Variants in KIR3DL1 observed in about 807,000 individuals in gnomAD.
KIR3DL1 encodes killer cell immunoglobulin like receptor, three Ig domains and long cytoplasmic tail 1.
Under a neutral mutation model 40.3 loss-of-function variants are expected in KIR3DL1, and 50 were observed. The observed-to-expected ratio is 1.24, with a 90% CI of 0.99 to 1.57. KIR3DL1 has a LOEUF of 1.57. Ranked by LOEUF, KIR3DL1 falls within the 40% of genes most tolerant of loss-of-function variation. The pLI, the probability that KIR3DL1 is intolerant of heterozygous loss-of-function variation, is 0.00. For synonymous variants in KIR3DL1, 257 were observed against 207.2 expected, an observed-to-expected ratio of 1.24 and a Z score of -2.07; for missense variants, 661 against 559.9, an observed-to-expected ratio of 1.18 and a Z score of -1.82.
chr19:54,818,786 A>G (rs1326644177), intron 3 of KIR3DL1, among the ~76,000 whole-genome samples, 187 bp downstream of exon 3: 1 of 151,010 alleles, frequency 6.6e-6, no homozygotes, highest in African/African-American at 2.4e-5. Context: ...CTACATTGTA[A>G]TCCCTGGAGC....
chr19:54,825,146 G>GCC, intron 6 of KIR3DL1, 68 bp downstream of exon 6: 2 of 1,035,042 alleles, frequency 1.9e-6, no homozygotes, highest in South Asian at 2.5e-5. Context: ...GGATGCAAGT[G>GCC]TTGGCTCAAA....
At position 54,829,952 on chromosome 19, in the gene KIR3DL1, C is replaced by A. The variant is rs185031705; in HGVS notation, c.1130C>A (p.Pro377His). Residue 377 changes from proline to histidine, a missense_variant, in exon 8 of 9, where the codon CCT becomes CAT. Around this residue, in one of 3 missense-constraint regions of KIR3DL1, gnomAD observed 107 missense variants for 129.4 expected, o/e 0.83. Transcript: ENST00000391728. ...GATGCTGCTGTAATGGACCAAGAGCCTGCAGGGAACAGAACAGCCAACAGC... is the reference window on the plus strand; with the variant it reads ...GATGCTGCTGTAATGGACCAAGAGCATGCAGGGAACAGAACAGCCAACAGC... 6.9e-4 allele frequency: 1,050 copies of A among 1,528,896 alleles called. 199 individuals are homozygous for A. The highest frequency in any genetic ancestry group is 1.4e-3 in the Admixed American group (76 of 55,884). The allele number at this position is 1,528,896 out of a possible 1,614,324, so 94.7% of individuals were successfully genotyped here. A position where few individuals can be genotyped will look rare whatever the true frequency, so the allele number is the denominator to read the frequency against.
chr19:54,827,926 G>T lies in KIR3DL1; in HGVS notation c.1001-1435G>T, dbSNP rs151262295. Among the ~76,000 whole-genome samples, 103 of 149,576 alleles carry T rather than the reference G, an allele frequency of 6.9e-4. 8 individuals carry two copies. Among genetic ancestry groups the T allele is most frequent in the African/African-American group, 2.3e-3 (93 of 39,988 alleles). ...TCACCCCTACTTCCAATCACCTGTG[G>T]AAATACAGATAGATCATGGGGAGGT... On this transcript the variant is annotated intron_variant, in intron 6 of 8. Transcript: ENST00000391728.
intron 6 of KIR3DL1, among the ~76,000 whole-genome samples, chr19:54,828,092 C>T (rs1347248716): frequency 1.3e-5 from 2 of 150,670 alleles, no homozygotes; most frequent in African/African-American, 2.5e-5. Context: ...GTGGTCCTTC[C>T]CCCAGCCTCT....
At chr19:54,817,186 G>C (rs1276257424) in intron 1 of KIR3DL1, among the ~76,000 whole-genome samples, 1 of 146,562 alleles carries the variant, frequency 6.8e-6, no homozygotes, top group Non-Finnish European at 1.5e-5. Context: ...ATATGAGCCT[G>C]GAGTGGATAT....
At chr19:54,828,004 C>A (rs62124149) in intron 6 of KIR3DL1, among the ~76,000 whole-genome samples, 18,154 of 146,888 alleles carry the variant, frequency 0.12, 1,567 homozygotes, top group Non-Finnish European at 0.16. Flanking sequence ...GAGATCAGTG[C>A]CAGCACTAGC....
chr19:54,816,754 T>G, intron 1 of KIR3DL1, among the ~76,000 whole-genome samples: 1 of 128,018 alleles, frequency 7.8e-6, no homozygotes, highest in Non-Finnish European at 1.6e-5. Context: ...GGAGTGGAGA[T>G]ATGGGCCTGG....
intron 4 of KIR3DL1, among the ~76,000 whole-genome samples, chr19:54,821,165 T>C (rs1422654298): frequency 1.3e-5 from 2 of 149,580 alleles, no homozygotes; most frequent in Non-Finnish European, 3.0e-5. Flanking sequence ...GATAGAGAGA[T>C]AGATAAGTGA....
intron 1 of KIR3DL1, among the ~76,000 whole-genome samples, chr19:54,817,314 G>A (rs1245635904): frequency 2.0e-5 from 3 of 147,154 alleles, no homozygotes; most frequent in Non-Finnish European, 4.5e-5. Context: ...TGGAGATCTG[G>A]GCCTGTTGTG....
At chr19:54,817,134 G>A (rs2061386173) in intron 1 of KIR3DL1, among the ~76,000 whole-genome samples, 1 of 148,416 alleles carries the variant, frequency 6.7e-6, no homozygotes, top group African/African-American at 2.5e-5. Context: ...GGCCTGGAGA[G>A]GAGATAGAAG....
At chr19:54,821,224 A>AAATAGATAGATAGATAGAT (rs377345227) in intron 4 of KIR3DL1, among the ~76,000 whole-genome samples, 1 of 148,576 alleles carries the variant, frequency 6.7e-6, no homozygotes. Context: ...CAAAATAGAT[A>AAATAGATAGATAGATAGAT]AATAGATAGA....
rs2061853539 is a variant in KIR3DL1, at chr19:54,825,778, T to C, written c.1000+700T>C. 2.7e-5 allele frequency among the ~76,000 whole-genome samples: 4 copies of C among 150,920 alleles called. No individual in the cohort carries two copies. The South Asian group carries it at 8.3e-4, about 31-fold the overall frequency. Reference sequence around the variant, plus strand: ...CCTCTGAGGATTCCAGGCAAGAATCTGCTTCTCACTTGTCCCAGCTTCTAA... The same window carrying C: ...CCTCTGAGGATTCCAGGCAAGAATCCGCTTCTCACTTGTCCCAGCTTCTAA... On this transcript the variant is annotated intron_variant, in intron 6 of 8. Transcript: ENST00000391728.
rs1232330090 is a variant in KIR3DL1 at position 54,819,539 on chromosome 19, G to A, written c.356-174G>A. On this transcript the variant is annotated intron_variant, in intron 3 of 8. Transcript: ENST00000391728. ...CTGGAGACAGAGGGACAGAGAAGAG[G>A]GAGGAAGACAGATGGAGGCACCTGC... Among the ~76,000 whole-genome samples, 6 of 151,272 alleles carry A rather than the reference G, an allele frequency of 4.0e-5. 1 individual carries two copies. The highest frequency in any genetic ancestry group is 3.9e-4 in the Admixed American group (6 of 15,210).
exon 4 of KIR3DL1, chr19:54,819,937 A>G: frequency 1.9e-6 from 3 of 1,612,024 alleles, no homozygotes; most frequent in East Asian, 2.2e-5. Flanking sequence ...AGGGACCTAC[A>G]GATGCTACGG....
chr19:54,823,126 C>T (rs2061721555), intron 5 of KIR3DL1, among the ~76,000 whole-genome samples: 1 of 150,684 alleles, frequency 6.6e-6, no homozygotes, highest in Admixed American at 6.6e-5. Flanking sequence ...CCTGTGCCTC[C>T]TAGGTTCAAA....
chr19:54,823,885 C>G (rs945082414), intron 5 of KIR3DL1, among the ~76,000 whole-genome samples: 1 of 151,404 alleles, frequency 6.6e-6, no homozygotes, highest in African/African-American at 2.4e-5. Flanking sequence ...TATACGTGAT[C>G]GCCATTTCTA....
exon 5 of KIR3DL1, chr19:54,821,631 C>A (rs772169483): frequency 1.2e-6 from 2 of 1,609,304 alleles, no homozygotes; most frequent in African/African-American, 2.7e-5. Context: ...GAGAGCGTGA[C>A]CTTGTCCTGT....
At chr19:54,821,676 C>G in exon 5 of KIR3DL1, 1 of 1,609,900 alleles carries the variant, frequency 6.2e-7, no homozygotes, top group Non-Finnish European at 8.5e-7. Flanking sequence ...TACCATCTAT[C>G]CAGGGAGGGG....
At chr19:54,824,687 A>C (rs112944129) in intron 5 of KIR3DL1, among the ~76,000 whole-genome samples, 6,678 of 150,944 alleles carry the variant, frequency 0.044, 326 homozygotes, top group East Asian at 0.094. Flanking sequence ...CACACACACA[A>C]AAAAAGCCAT....
Sources: allele counts gnomAD v4.1 joint callset (sites outside exome capture counted in the v4.1 genomes callset), GRCh38; gene constraint gnomAD v4.1.1; regional missense constraint gnomAD v4.1.1; transcripts MANE v1.5; gene names NCBI Gene and HGNC (gene_info 2026-07-23, HGNC 2026-07-21).